The following TUSC3 variants were observed in gnomAD, a reference collection of about 807,000 sequenced individuals.
TUSC3 encodes the protein tumor suppressor candidate 3.
In TUSC3, 45 loss-of-function variants were observed where a neutral mutation model predicts 44.8. That is an observed-to-expected ratio of 1.00 (90% confidence interval 0.79 to 1.29). The LOEUF is 1.29. Among genes scored for constraint, TUSC3 ranks in the 50% most tolerant of loss-of-function variants. TUSC3 has a pLI of 0.00. For missense variants in TUSC3, 519 were observed against 437.9 expected, an observed-to-expected ratio of 1.19 and a Z score of -1.65; for synonymous variants, 212 against 152.9, an observed-to-expected ratio of 1.39 and a Z score of -2.85.
chr8:15,737,550 T>C (rs1350449810), intron 7 of TUSC3, among the ~76,000 whole-genome samples: 1 of 152,122 alleles, frequency 6.6e-6, no homozygotes, highest in Admixed American at 6.6e-5. Context: ...AAATATATAT[T>C]GCCATGATAT....
intron 1 of TUSC3, among the ~76,000 whole-genome samples, chr8:15,420,221 G>A (rs886209139): frequency 1.3e-5 from 2 of 152,060 alleles, no homozygotes; most frequent in Non-Finnish European, 2.9e-5. Flanking sequence ...ATGTGGCCAG[G>A]TACGATGGTT....
the TUSC3 span, among the ~76,000 whole-genome samples, chr8:15,779,491 T>C: frequency 6.6e-6 from 1 of 152,144 alleles, no homozygotes; most frequent in Admixed American, 6.5e-5. Flanking sequence ...GACACCACTG[T>C]AATATGGAAG....
intron 6 of TUSC3, among the ~76,000 whole-genome samples, chr8:15,690,937 A>G (rs1239177089): frequency 6.6e-6 from 1 of 151,646 alleles, no homozygotes; most frequent in East Asian, 1.9e-4. Context: ...GTAATGCCAA[A>G]TGCCTCCAGC....
intron 2 of TUSC3, among the ~76,000 whole-genome samples, chr8:15,650,051 A>G (rs1226510173): frequency 6.6e-6 from 1 of 152,188 alleles, no homozygotes; most frequent in Middle Eastern, 3.2e-3. Context: ...CAAAATATCT[A>G]ATAAAAATGT....
At chr8:15,793,467 A>G in the TUSC3 span, among the ~76,000 whole-genome samples, 6,442 of 151,974 alleles carry the variant, frequency 0.042, 427 homozygotes, top group African/African-American at 0.15. Flanking sequence ...AGTTATCTAC[A>G]CAGCTCACCA....
chr8:15,807,387 A>C, the TUSC3 span: 1 of 328,926 alleles, frequency 3.0e-6, no homozygotes, highest in African/African-American at 2.2e-5. Context: ...TGTGGAGAGA[A>C]GGCAATGCTT....
At chr8:15,569,591 T>C (rs1802796597) in intron 1 of TUSC3, among the ~76,000 whole-genome samples, 1 of 152,122 alleles carries the variant, frequency 6.6e-6, no homozygotes, top group South Asian at 2.1e-4. Context: ...CCAGGACATG[T>C]GGGAGAGAAA....
chr8:15,552,587 G>GA (rs956992214), intron 1 of TUSC3, among the ~76,000 whole-genome samples: 1 of 151,686 alleles, frequency 6.6e-6, no homozygotes, highest in African/African-American at 2.4e-5. Context: ...TCCAGCATAT[G>GA]AAAAAACACA....
At chr8:15,796,236 C>G in the TUSC3 span, among the ~76,000 whole-genome samples, 1 of 152,158 alleles carries the variant, frequency 6.6e-6, no homozygotes, top group Non-Finnish European at 1.5e-5. Context: ...GCTGAGTCAG[C>G]TGCTTACTTC....
At chr8:15,662,396 C>T in intron 5 of TUSC3, 100 bp downstream of exon 5, 1 of 1,514,860 alleles carries the variant, frequency 6.6e-7, no homozygotes, top group Admixed American at 1.8e-5. Context: ...TATAATAGAA[C>T]TTAAGTCTGA....
At chr8:15,504,684 C>T (rs570589091) in intron 2 of TUSC3, among the ~76,000 whole-genome samples, 29 of 127,192 alleles carry the variant, frequency 2.3e-4, no homozygotes, top group Non-Finnish European at 3.8e-4. Flanking sequence ...GATGGAGTCT[C>T]GCTGTGTCCC....
the TUSC3 span, among the ~76,000 whole-genome samples, chr8:15,843,362 G>A: frequency 6.6e-6 from 1 of 152,054 alleles, no homozygotes; most frequent in Non-Finnish European, 1.5e-5. Context: ...TGTGTCACAA[G>A]ACACAATACC....
chr8:15,743,985 T>C (rs1464253607), intron 8 of TUSC3, among the ~76,000 whole-genome samples: 2 of 152,184 alleles, frequency 1.3e-5, no homozygotes, highest in Non-Finnish European at 2.9e-5. Context: ...TTCCCTCTGC[T>C]ACAAGAATCA....
chr8:15,472,698 C>G (rs76623229), intron 1 of TUSC3, among the ~76,000 whole-genome samples: 10,136 of 152,210 alleles, frequency 0.067, 357 homozygotes, highest in South Asian at 0.11. Context: ...CAGTCTTGCA[C>G]TAGAAACCAG....
rs201767794 is a variant in TUSC3 at position 15,582,186 on chromosome 8, C to T, written c.139-40894C>T. On this transcript the variant is annotated intron_variant, in intron 1 of 10. Coordinates refer to ENST00000503731, the MANE Select transcript of TUSC3 (RefSeq NM_006765.4). ...TTCGGCTCGCGCATGGTGCGCGCAC[C>T]CACTGGCCTGCGCCCACTGTCTGGC... Among the ~76,000 whole-genome samples, 123 of 152,280 alleles carry T rather than the reference C, an allele frequency of 8.1e-4. 2 individuals are homozygous for T. In the East Asian group the frequency reaches 0.02, roughly 25 times the overall value.
At chr8:15,795,219 C>A in the TUSC3 span, among the ~76,000 whole-genome samples, 3 of 152,144 alleles carry the variant, frequency 2.0e-5, no homozygotes, top group Non-Finnish European at 4.4e-5. Flanking sequence ...TTTCACTTCA[C>A]CCAAGGCATT....
Position 15,748,574 on chromosome 8 carries a change from T to A in TUSC3, c.1028+109T>A, listed in dbSNP as rs527537222. 37 of 1,071,930 alleles carry A rather than the reference T, an allele frequency of 3.5e-5. No homozygotes were observed. The African/African-American group carries it at 5.1e-4, about 15-fold the overall frequency. The allele number at this position is 1,071,930 out of a possible 1,614,324, so 66.4% of individuals were successfully genotyped here. On this transcript the variant is annotated intron_variant, in intron 9 of 10. Transcript: ENST00000503731. ...ATGTAAAGTTGCTGTGTGGTTTTTT[T>A]AAATTCAGTTAAGCAAGTTTTTGAG...
At chr8:15,502,545 C>T (rs1800981868) in intron 2 of TUSC3, among the ~76,000 whole-genome samples, 1 of 152,208 alleles carries the variant, frequency 6.6e-6, no homozygotes, top group Admixed American at 6.5e-5. Flanking sequence ...GGCTGGAGTG[C>T]AGTGGCGCGA....
At chr8:15,779,128 T>G in the TUSC3 span, among the ~76,000 whole-genome samples, 1 of 148,826 alleles carries the variant, frequency 6.7e-6, no homozygotes, top group Admixed American at 6.8e-5. Context: ...TCCACGTTAC[T>G]TCTAGTAAAA....
Sources: allele counts gnomAD v4.1 joint callset (sites outside exome capture counted in the v4.1 genomes callset), GRCh38; gene constraint gnomAD v4.1.1; transcripts MANE v1.5; gene names NCBI Gene and HGNC (gene_info 2026-07-23, HGNC 2026-07-21).